Variants in TNRC6B observed in about 807,000 individuals in gnomAD.
TNRC6B encodes trinucleotide repeat containing adaptor 6B.
In TNRC6B, 52 loss-of-function variants were observed where a neutral mutation model predicts 203.6. The observed-to-expected ratio is 0.26, with a 90% CI of 0.20 to 0.32. The LOEUF is 0.32. TNRC6B is among the 10% of genes least tolerant of loss of function. The probability of loss-of-function intolerance (pLI) is 1.00; values close to 1 mark genes in which losing one functional copy is unlikely to be tolerated. For missense variants in TNRC6B, 1,923 were observed against 2,286.2 expected (o/e 0.84, Z 3.24); for synonymous variants, 838 against 845.7 (o/e 0.99, Z 0.16).
intron 1 of TNRC6B, among the ~76,000 whole-genome samples, chr22:40,192,783 A>G (rs1315805649): frequency 6.6e-6 from 1 of 152,140 alleles, no homozygotes; most frequent in Non-Finnish European, 1.5e-5. Context: ...GGTTTGGGCT[A>G]TGTGGTGGGA....
intron 19 of TNRC6B, among the ~76,000 whole-genome samples, chr22:40,314,696 G>C (rs993799923): frequency 6.6e-6 from 1 of 152,178 alleles, no homozygotes; most frequent in Admixed American, 6.5e-5. Context: ...CATCTGTTCT[G>C]TGTTCCCATC....
At chr22:40,295,275 A>G (rs1347084310) in intron 12 of TNRC6B, among the ~76,000 whole-genome samples, 1 of 152,178 alleles carries the variant, frequency 6.6e-6, no homozygotes, top group East Asian at 1.9e-4. Flanking sequence ...CAGGAGTTCA[A>G]GACCAGCCTG....
chr22:40,228,895 A>G (rs1412751550), intron 1 of TNRC6B, among the ~76,000 whole-genome samples: 2 of 152,128 alleles, frequency 1.3e-5, no homozygotes, highest in African/African-American at 4.8e-5. Context: ...TGTTAGAAGC[A>G]TGGCATATTA....
chr22:40,258,598 T>C (rs2070322764), intron 3 of TNRC6B, among the ~76,000 whole-genome samples: 1 of 152,202 alleles, frequency 6.6e-6, no homozygotes, highest in Admixed American at 6.5e-5. Flanking sequence ...GTTTTGTTTT[T>C]TTCTTTTTAT....
At chr22:40,289,591 C>T (rs2070841410) in intron 12 of TNRC6B, among the ~76,000 whole-genome samples, 2 of 152,148 alleles carry the variant, frequency 1.3e-5, no homozygotes, top group South Asian at 2.1e-4. Context: ...TACACTGGTT[C>T]TCCATCTGCC....
intron 15 of TNRC6B, among the ~76,000 whole-genome samples, chr22:40,307,039 TCCCCAC>T (rs897972606): frequency 2.7e-5 from 4 of 146,830 alleles, no homozygotes; most frequent in Non-Finnish European, 4.5e-5. Context: ...AGATTTCTGC[TCCCCAC>T]CCCCACCCTC....
At position 40,280,017 on chromosome 22, in the gene TNRC6B, T is replaced by C; in HGVS notation, c.3285T>C (p.Phe1095=). The C allele has an allele frequency of 6.2e-7, 1 of 1,613,890 alleles. No individual in the cohort carries two copies. Reference sequence around the variant, plus strand: ...CAGGAAGCCTTTCAGATAAAAAATTTGATGTGGACAAGCGAGCGATGAATC... The same window carrying C: ...CAGGAAGCCTTTCAGATAAAAAATTCGATGTGGACAAGCGAGCGATGAATC... ...LSVGSLSDKK[F]DVDKRAMNLG... The change falls in exon 10 of 23, where the codon TTT becomes TTC. Residue 1095 remains phenylalanine (F), a synonymous_variant. Coordinates refer to ENST00000454349, the MANE Select transcript of TNRC6B (RefSeq NM_001162501.2).
chr22:40,177,835 C>T, upstream of TNRC6B: 1 of 1,312,508 alleles, frequency 7.6e-7, no homozygotes, highest in Non-Finnish European at 9.7e-7. Flanking sequence ...GCAGTCTCAG[C>T]TCCAGCTCCC....
intron 4 of TNRC6B, among the ~76,000 whole-genome samples, chr22:40,162,695 A>T (rs192343493): frequency 6.6e-6 from 1 of 152,320 alleles, no homozygotes; most frequent in Admixed American, 6.5e-5. Flanking sequence ...ATGTTGAAAT[A>T]AATTTATTAA....
Position 40,156,157 on chromosome 22 carries a change from C to T in TNRC6B, c.88C>T (p.Pro30Ser), listed in dbSNP as rs751894977. The change falls in exon 4 of 24, where the codon CCA (proline) becomes TCA (serine). Residue 30 changes from proline (P) to serine (S), a missense_variant. Coordinates refer to the TNRC6B transcript ENST00000301923. ...TGTAATGGAAGGGCATGGCAAGACT[C>T]CACCTCCTGGTGAAGAAAGCAAACA... is the stretch of plus-strand genomic sequence containing the variant. The T allele has an allele frequency of 5.7e-6, 9 of 1,579,456 alleles. No individual in the cohort carries two copies. The East Asian group carries it at 1.6e-4, about 28-fold the overall frequency.
rs137967441 is a variant in TNRC6B, at chr22:40,158,169, C to G, written c.113+1987C>G. On this transcript the variant is annotated intron_variant, in intron 4 of 23. Coordinates refer to the TNRC6B transcript ENST00000301923. ...CCTGACCAACGTGGTGAAACCCTGT[C>G]TCTAGTAAAAAAATACAAAATTAGC... 3.2e-3 allele frequency among the ~76,000 whole-genome samples: 479 copies of G among 151,970 alleles called. 2 individuals carry two copies. The highest frequency in any genetic ancestry group is 0.014 in the Middle Eastern group (4 of 294).
chr22:40,265,740 T>C lies in TNRC6B; in HGVS notation c.1510T>C (p.Ser504Pro). 6.2e-7 allele frequency: 1 copy of C among 1,613,872 alleles called. No homozygotes were observed. Among genetic ancestry groups the C allele is most frequent in the Non-Finnish European group, 8.5e-7 (1 of 1,179,886 alleles). Residue 504 changes from serine (S) to proline (P), a missense_variant, in exon 5 of 23, where the codon TCT (serine) becomes CCT (proline). Coordinates refer to ENST00000454349, the MANE Select transcript of TNRC6B (RefSeq NM_001162501.2). The part of the protein sequence containing the change: ...NKWGEGNKMT[S>P]GVSQGEWKQP... ...ATGGGGTGAAGGGAACAAAATGACA[T>C]CTGGGGTCTCTCAGGGAGAATGGAA...
At chr22:40,081,153 G>A (rs529650695) in intron 1 of TNRC6B, among the ~76,000 whole-genome samples, 42 of 152,102 alleles carry the variant, frequency 2.8e-4, no homozygotes, top group Non-Finnish European at 4.7e-4. Context: ...GAGCCACCAC[G>A]CTCAGCCCAT....
intron 6 of TNRC6B, among the ~76,000 whole-genome samples, chr22:40,271,468 G>A (rs1028920283): frequency 6.6e-6 from 1 of 152,170 alleles, no homozygotes; most frequent in Non-Finnish European, 1.5e-5. Flanking sequence ...TGTATATGTA[G>A]TAATTTGACT....
intron 1 of TNRC6B, among the ~76,000 whole-genome samples, chr22:40,088,759 T>G (rs1409149034): frequency 6.6e-6 from 1 of 152,040 alleles, no homozygotes; most frequent in Non-Finnish European, 1.5e-5. Context: ...CCAGCCAATT[T>G]ATATTTTTTT....
intron 12 of TNRC6B, among the ~76,000 whole-genome samples, chr22:40,299,305 T>C (rs1904544933): frequency 6.7e-6 from 1 of 149,424 alleles, no homozygotes; most frequent in African/African-American, 2.5e-5. Flanking sequence ...AATGGCACCA[T>C]CTTGGCTCAC....
chr22:40,151,536 T>C (rs2068753519), intron 3 of TNRC6B, among the ~76,000 whole-genome samples: 1 of 52,738 alleles, frequency 1.9e-5, no homozygotes, highest in Non-Finnish European at 3.0e-5. Context: ...AGACTGCATC[T>C]CAAAAAAAAA....
chr22:40,247,350 C>A (rs528985986), intron 2 of TNRC6B, among the ~76,000 whole-genome samples: 1 of 152,120 alleles, frequency 6.6e-6, no homozygotes, highest in Non-Finnish European at 1.5e-5. Context: ...ATTTAGAAGA[C>A]AGTCAAGGCA....
intron 1 of TNRC6B, among the ~76,000 whole-genome samples, chr22:40,214,282 A>G (rs181727730): frequency 6.8e-6 from 1 of 146,450 alleles, no homozygotes; most frequent in South Asian, 2.2e-4. Context: ...ATAAAACATT[A>G]AAAAAAAAAG....
Sources: gnomAD v4.1 joint callset for allele counts (sites outside exome capture counted in the v4.1 genomes callset) on GRCh38, gnomAD v4.1.1 for gene constraint, MANE v1.5 for transcripts, NCBI Gene and HGNC (gene_info 2026-07-23, HGNC 2026-07-21) for gene names.